The following IKZF4 variants were observed in gnomAD, a reference collection of about 807,000 sequenced individuals.
IKZF4 encodes the protein IKAROS family zinc finger 4, also known as zinc finger protein Eos.
IKZF4 carries 11 observed loss-of-function variants against 47.7 expected under a neutral mutation model. The observed-to-expected ratio is 0.23, with a 90% CI of 0.15 to 0.38. The LOEUF (loss-of-function observed/expected upper bound fraction) is 0.38, where lower values mean the gene tolerates loss of function less well. Ranked by LOEUF, IKZF4 falls within the 10% of genes least tolerant of loss-of-function variation. The pLI is 1.00. For synonymous variants in IKZF4, 298 were observed against 299.4 expected (o/e 1.00, Z 0.05); for missense variants, 557 against 784.9 (o/e 0.71, Z 3.47).
chr12:56,017,028 C>T (rs547378075), upstream of IKZF4, among the ~76,000 whole-genome samples: 8 of 151,954 alleles, frequency 5.3e-5, no homozygotes, highest in African/African-American at 1.2e-4. Flanking sequence ...CCATGCCAGC[C>T]GCAATTTTGG....
chr12:56,032,335 C>G lies in IKZF4; in HGVS notation c.716-226C>G. ...CACCACCAGTCTGAAGCCACATGCCCTAGGATTCCCTTGCCCCCATAACTG... is the reference window on the plus strand; with the variant it reads ...CACCACCAGTCTGAAGCCACATGCCGTAGGATTCCCTTGCCCCCATAACTG... On this transcript the variant is annotated intron_variant, in intron 5 of 7. Transcript: ENST00000547167. 4.0e-6 allele frequency: 2 copies of G among 497,260 alleles called. 1 individual carries two copies. Among genetic ancestry groups the G allele is most frequent in the Non-Finnish European group, 7.2e-6 (2 of 279,380 alleles). The allele number at this position is 497,260 out of a possible 1,614,324, so 30.8% of individuals were successfully genotyped here.
chr12:56,034,586 G>A lies in IKZF4; in HGVS notation c.1013G>A (p.Arg338His), dbSNP rs761622543. ...PQKFVGEKQM[R>H]FSLSDLPYDV... is the part of the protein sequence containing the mutation. ...TTCTCCACAGGCGAAAAGCAGATGC[G>A]CTTCAGCCTCTCAGACCTCCCCTAT... Residue 338 changes from arginine to histidine, a missense_variant, in exon 8 of 8, where the codon CGC becomes CAC. Arg to His is a conservative substitution (Grantham distance 29, BLOSUM62 0). Transcript: ENST00000547167. 43 of 1,609,182 alleles carry A rather than the reference G, an allele frequency of 2.7e-5. No individual in the cohort carries two copies. The highest frequency in any genetic ancestry group is 3.3e-4 in the Middle Eastern group (2 of 6,066).
intron 6 of IKZF4, 70 bp downstream of exon 6, chr12:56,032,780 T>A: frequency 6.6e-7 from 1 of 1,522,604 alleles, no homozygotes; most frequent in Non-Finnish European, 9.1e-7. Context: ...CAAGGGTGAC[T>A]CCAGTATCTC....
chr12:56,008,536 T>TA (rs1392382933), intron 1 of IKZF4, among the ~76,000 whole-genome samples: 2 of 152,102 alleles, frequency 1.3e-5, no homozygotes, highest in South Asian at 4.1e-4. Context: ...TCTGTGCCTT[T>TA]AAAAAAAATT....
chr12:56,019,406 G>A, upstream of IKZF4: 1 of 981,676 alleles, frequency 1.0e-6, no homozygotes, highest in Non-Finnish European at 1.2e-6. Context: ...CAACACCCGG[G>A]TAATGTAAGG....
intron 2 of IKZF4, chr12:56,011,578 T>G (rs141631204): frequency 6.6e-6 from 1 of 152,302 alleles, no homozygotes; most frequent in East Asian, 1.9e-4. Context: ...TAGGATGACC[T>G]GGGAATTTAT....
At chr12:56,020,925 C>T, upstream of IKZF4, 1 of 997,450 alleles carries the variant, frequency 1.0e-6, no homozygotes, top group Non-Finnish European at 1.2e-6. Flanking sequence ...GTGTCCTGGG[C>T]CCCATGACCT....
chr12:56,030,809 G>C (rs985076530), intron 5 of IKZF4, among the ~76,000 whole-genome samples: 24 of 152,170 alleles, frequency 1.6e-4, no homozygotes, highest in African/African-American at 5.8e-4. Flanking sequence ...TGGATAGCGA[G>C]AGGCTGGTTA....
At chr12:56,026,733 G>C in intron 3 of IKZF4, 48 bp from the exon 4 acceptor site, 1 of 1,396,938 alleles carries the variant, frequency 7.2e-7, no homozygotes, top group Non-Finnish European at 9.4e-7. Flanking sequence ...CCTGGGAGCA[G>C]CTTCCCCCTT....
At position 56,026,929 on chromosome 12, in the gene IKZF4, G is replaced by GCCT; in HGVS notation, c.437_439dup (p.Pro146dup). The stretch of plus-strand genomic sequence containing the variant: ...GCTACTGTGATGGGAGTGGGCCAGA[G>GCCT]CCTCACTCCCCTGGGGGCATCCGGC... On this transcript the variant is annotated inframe_insertion, in exon 4 of 8. Transcript: ENST00000547167. The GCCT allele has an allele frequency of 6.2e-7, 1 of 1,612,898 alleles. No individual in the cohort carries two copies. Among genetic ancestry groups the GCCT allele is most frequent in the Non-Finnish European group, 8.5e-7 (1 of 1,179,452 alleles).
upstream of IKZF4, chr12:56,018,114 C>T: frequency 4.7e-6 from 6 of 1,287,956 alleles, no homozygotes; most frequent in Non-Finnish European, 6.1e-6. Context: ...CAGCTATTTT[C>T]TTTTTCAGCA....
At chr12:56,007,985 C>G (rs1196829214) in intron 1 of IKZF4, among the ~76,000 whole-genome samples, 1 of 152,060 alleles carries the variant, frequency 6.6e-6, no homozygotes, top group East Asian at 1.9e-4. Flanking sequence ...GGAGACAGAT[C>G]AAGGCAAGGG....
At chr12:56,031,110 G>T (rs184580429) in intron 5 of IKZF4, among the ~76,000 whole-genome samples, 1 of 152,186 alleles carries the variant, frequency 6.6e-6, no homozygotes, top group Non-Finnish European at 1.5e-5. Flanking sequence ...AAATTAGCTG[G>T]GCATGGTGGT....
At position 56,014,076 on chromosome 12, in the gene IKZF4, G is replaced by A. The variant is rs545843769; in HGVS notation, c.-214+2582G>A. Among the ~76,000 whole-genome samples the A allele has an allele frequency of 5.3e-5, 8 of 152,038 alleles. 1 individual carries two copies. The highest frequency in any genetic ancestry group is 8.8e-5 in the Non-Finnish European group (6 of 67,950). ...TTAGGCAGGAGAATCACTTGAACCC[G>A]GGATGCAGAGGTTGCAGTGAGCTGA... On this transcript the variant is annotated intron_variant, in intron 2 of 11. Coordinates refer to the IKZF4 transcript ENST00000262032.
chr12:56,026,652 G>A, intron 3 of IKZF4, 129 bp from the exon 4 acceptor site: 4 of 1,000,242 alleles, frequency 4.0e-6, no homozygotes, highest in Non-Finnish European at 5.5e-6. Context: ...TCGTGCCACT[G>A]CACTCCAGCC....
At position 56,036,915 on chromosome 12, in the gene IKZF4, A is replaced by G. The variant is rs1244161176; in HGVS notation, c.*1584A>G. ...TGTTTTTCTATGTTTAAAGAAAAAA[A>G]AAAGTAAAAACCAAACACAACACCT... On this transcript the variant is annotated 3_prime_UTR_variant, in exon 8 of 8. Coordinates refer to ENST00000547167, the MANE Select transcript of IKZF4 (RefSeq NM_022465.4). 1 of 152,150 alleles carries G rather than the reference A, an allele frequency of 6.6e-6. No homozygotes were observed. The highest frequency in any genetic ancestry group is 1.9e-4 in the East Asian group (1 of 5,190). 9.4% of individuals were successfully genotyped at this position (152,150 alleles called of 1,614,324 possible).
intron 1 of IKZF4, among the ~76,000 whole-genome samples, chr12:56,023,313 G>A (rs1893386963): frequency 6.6e-6 from 1 of 152,074 alleles, no homozygotes; most frequent in African/African-American, 2.4e-5. Flanking sequence ...ACTAATAAAG[G>A]GAATAAGAAG....
chr12:56,010,731 T>A (rs565333482), intron 1 of IKZF4, among the ~76,000 whole-genome samples: 1 of 152,288 alleles, frequency 6.6e-6, no homozygotes, highest in East Asian at 1.9e-4. Flanking sequence ...GTTAATGAGA[T>A]TGATGACTCT....
Position 56,036,513 on chromosome 12 carries a change from A to G in IKZF4, c.*1182A>G, listed in dbSNP as rs1895645156. The G allele has an allele frequency of 6.6e-6, 1 of 152,180 alleles. No homozygotes were observed. The highest frequency in any genetic ancestry group is 2.4e-5 in the African/African-American group (1 of 41,418). The allele number at this position is 152,180 out of a possible 1,614,324, so 9.4% of individuals were successfully genotyped here. On this transcript the variant is annotated 3_prime_UTR_variant, in exon 8 of 8. Coordinates refer to ENST00000547167, the MANE Select transcript of IKZF4 (RefSeq NM_022465.4). ...TCCCGGGCTCCTGGGCCCTGTTCTTAGGATCAGTGGCAGGGAGAAACGGGT... is the reference window on the plus strand; with the variant it reads ...TCCCGGGCTCCTGGGCCCTGTTCTTGGGATCAGTGGCAGGGAGAAACGGGT...
Sources: gnomAD v4.1 joint callset for allele counts (sites outside exome capture counted in the v4.1 genomes callset) on GRCh38, gnomAD v4.1.1 for gene constraint, MANE v1.5 for transcripts, NCBI Gene and HGNC (gene_info 2026-07-23, HGNC 2026-07-21) for gene names.